TNFRSF19: variants seen among roughly 807,000 people sequenced by gnomAD.
The protein encoded by TNFRSF19 is TNF receptor superfamily member 19.
Under a neutral mutation model 46.4 loss-of-function variants are expected in TNFRSF19, and 27 were observed. That is an observed-to-expected ratio of 0.58 (90% CI 0.43 to 0.80). TNFRSF19 has a LOEUF of 0.80. Ranked by LOEUF, TNFRSF19 falls within the 30% of genes least tolerant of loss-of-function variation. The pLI is 0.00. For synonymous variants in TNFRSF19, 204 were observed against 205.0 expected (o/e 1.00, Z 0.04); for missense variants, 511 against 530.8 (o/e 0.96, Z 0.37).
chr13:23,575,141 G>C (rs1247949492), intron 1 of TNFRSF19, among the ~76,000 whole-genome samples: 1 of 152,184 alleles, frequency 6.6e-6, no homozygotes, highest in East Asian at 1.9e-4. Flanking sequence ...CCTAGGTCGG[G>C]GAGTCCACCA....
chr13:23,629,661 T>C (rs953824272), intron 5 of TNFRSF19, among the ~76,000 whole-genome samples: 4 of 152,190 alleles, frequency 2.6e-5, no homozygotes, highest in African/African-American at 9.7e-5. Flanking sequence ...GCAAATAGTC[T>C]CCCCTCTTTG....
In TNFRSF19 at chr13:23,675,377, A is replaced by G. The variant is rs1481159487; in HGVS notation, c.*1997A>G. 3 of 152,188 alleles carry G rather than the reference A, an allele frequency of 2.0e-5. No homozygotes were observed. Among genetic ancestry groups the G allele is most frequent in the African/African-American group, 7.2e-5 (3 of 41,444 alleles). 9.4% of individuals were successfully genotyped at this position (152,188 alleles called of 1,614,324 possible). On this transcript the variant is annotated 3_prime_UTR_variant, in exon 10 of 10. Transcript: ENST00000248484. ...TATATTTTCCATATGTAGAGCCCTG[A>G]TTAACTTCAAGGACAAACACTGGCT...
At chr13:23,628,277 C>A (rs1342778389) in intron 5 of TNFRSF19, among the ~76,000 whole-genome samples, 2 of 152,210 alleles carry the variant, frequency 1.3e-5, no homozygotes, top group African/African-American at 4.8e-5. Context: ...TTGACTCTTT[C>A]TTGTGTTGTT....
At chr13:23,599,715 C>G (rs1879996610) in intron 3 of TNFRSF19, among the ~76,000 whole-genome samples, 1 of 152,116 alleles carries the variant, frequency 6.6e-6, no homozygotes, top group Non-Finnish European at 1.5e-5. Context: ...CAGATGAAGC[C>G]TCCAGGTAGC....
At chr13:23,642,404 C>T (rs1359658024) in intron 5 of TNFRSF19, among the ~76,000 whole-genome samples, 1 of 152,212 alleles carries the variant, frequency 6.6e-6, no homozygotes, top group Non-Finnish European at 1.5e-5. Context: ...CCAGGTTCCA[C>T]GCTAACCCTT....
intron 3 of TNFRSF19, among the ~76,000 whole-genome samples, chr13:23,593,819 C>T (rs1026748203): frequency 3.3e-5 from 5 of 152,062 alleles, no homozygotes; most frequent in Admixed American, 6.6e-5. Flanking sequence ...GCAAGATGGC[C>T]GAATAGGAAC....
chr13:23,583,418 T>C (rs553815435), intron 1 of TNFRSF19, among the ~76,000 whole-genome samples: 12 of 152,260 alleles, frequency 7.9e-5, no homozygotes, highest in Non-Finnish European at 1.6e-4. Flanking sequence ...GAGTTCTTGG[T>C]ATTTTATGTG....
At chr13:23,665,670 A>G (rs1465250041) in intron 7 of TNFRSF19, among the ~76,000 whole-genome samples, 6 of 152,080 alleles carry the variant, frequency 3.9e-5, no homozygotes, top group Non-Finnish European at 1.5e-5. Context: ...TTCAGTTGCA[A>G]ATATGATGTC....
At chr13:23,654,484 G>A (rs938867707) in intron 5 of TNFRSF19, among the ~76,000 whole-genome samples, 7 of 152,004 alleles carry the variant, frequency 4.6e-5, no homozygotes, top group African/African-American at 1.7e-4. Context: ...GGAGGACCCC[G>A]AACATCTCTG....
At chr13:23,661,256 A>C (rs1028475678) in intron 7 of TNFRSF19, among the ~76,000 whole-genome samples, 6 of 152,136 alleles carry the variant, frequency 3.9e-5, no homozygotes, top group Non-Finnish European at 8.8e-5. Context: ...ATGTGTTCTC[A>C]TCATTTAGCT....
At chr13:23,600,537 A>G (rs895249001) in intron 3 of TNFRSF19, among the ~76,000 whole-genome samples, 1 of 152,224 alleles carries the variant, frequency 6.6e-6, no homozygotes, top group Non-Finnish European at 1.5e-5. Context: ...AACAAAACAA[A>G]AAAATCCCTT....
chr13:23,658,034 T>C (rs999187429), intron 5 of TNFRSF19, among the ~76,000 whole-genome samples: 1 of 152,162 alleles, frequency 6.6e-6, no homozygotes, highest in South Asian at 2.1e-4. Context: ...AAAGAGAAAA[T>C]GTAACTGCCC....
intron 1 of TNFRSF19, among the ~76,000 whole-genome samples, chr13:23,581,129 T>TTC (rs141226613): frequency 0.082 from 12,090 of 146,668 alleles, 536 homozygotes; most frequent in East Asian, 0.18. Flanking sequence ...CTTTTTTTCT[T>TTC]TTCTTTTTTT....
intron 4 of TNFRSF19, among the ~76,000 whole-genome samples, chr13:23,623,009 G>A (rs1381334464): frequency 3.3e-5 from 5 of 152,064 alleles, no homozygotes; most frequent in African/African-American, 7.3e-5. Flanking sequence ...TTTTAGGTGC[G>A]CAGTTCAGTA....
At chr13:23,648,294 G>A (rs1471453211) in intron 5 of TNFRSF19, among the ~76,000 whole-genome samples, 2 of 152,070 alleles carry the variant, frequency 1.3e-5, no homozygotes, top group East Asian at 1.9e-4. Context: ...GAGTGTACAA[G>A]TCTTGTACCT....
At chr13:23,623,253 A>T (rs1251839773) in intron 4 of TNFRSF19, among the ~76,000 whole-genome samples, 2 of 152,142 alleles carry the variant, frequency 1.3e-5, no homozygotes, top group African/African-American at 4.8e-5. Flanking sequence ...CATGTCCTCA[A>T]GGTTTATACA....
At chr13:23,614,612 G>A (rs76212476) in intron 3 of TNFRSF19, among the ~76,000 whole-genome samples, 3,420 of 152,150 alleles carry the variant, frequency 0.022, 53 homozygotes, top group Middle Eastern at 0.037. Flanking sequence ...GCCTGCATGG[G>A]TGCCCTTCTT....
chr13:23,635,284 G>T (rs559600283), intron 5 of TNFRSF19, among the ~76,000 whole-genome samples: 12 of 152,270 alleles, frequency 7.9e-5, no homozygotes, highest in East Asian at 1.9e-4. Flanking sequence ...AATCTCAAAG[G>T]TTGAAAAGGG....
intron 3 of TNFRSF19, among the ~76,000 whole-genome samples, chr13:23,615,356 A>C (rs908464009): frequency 1.6e-4 from 24 of 152,340 alleles, no homozygotes; most frequent in African/African-American, 5.5e-4. Flanking sequence ...ACTCTCAGGA[A>C]ATACTAAATT....
Sources: gnomAD v4.1 joint callset for allele counts (sites outside exome capture counted in the v4.1 genomes callset) on GRCh38, gnomAD v4.1.1 for gene constraint, MANE v1.5 for transcripts, NCBI Gene and HGNC (gene_info 2026-07-23, HGNC 2026-07-21) for gene names.